CLEC16A: variants seen among roughly 807,000 people sequenced by gnomAD.
CLEC16A encodes protein CLEC16A.
In CLEC16A, 51 loss-of-function variants were observed where a neutral mutation model predicts 109.5. The observed-to-expected ratio is 0.47, with a 90% CI of 0.37 to 0.59. CLEC16A has a LOEUF of 0.59. Ranked by LOEUF, CLEC16A falls within the 20% of genes least tolerant of loss-of-function variation. CLEC16A has a pLI of 0.00. For missense variants in CLEC16A, 1,339 were observed against 1,394.0 expected (o/e 0.96, Z 0.63); for synonymous variants, 673 against 564.2 (o/e 1.19, Z -2.73).
rs1022095516 is a variant in CLEC16A at position 10,954,021 on chromosome 16, A to G, written c.81-3761A>G. On this transcript the variant is annotated intron_variant, in intron 1 of 23. Transcript: ENST00000409790. This position sits in a 1 kb window ranked among gnomAD's most constrained non-coding sequence, Gnocchi z 4.2. ...AAAGACTTGCACAGGCACCTCACAAAAGAAGATATTCAAACAGTCCATAAA... is the reference window on the plus strand; with the variant it reads ...AAAGACTTGCACAGGCACCTCACAAGAGAAGATATTCAAACAGTCCATAAA... Among the ~76,000 whole-genome samples the G allele has an allele frequency of 1.3e-5, 2 of 151,948 alleles. No individual in the cohort carries two copies. Among genetic ancestry groups the G allele is most frequent in the Admixed American group, 1.3e-4 (2 of 15,276 alleles).
chr16:11,066,072 G>C (rs2048739354), intron 19 of CLEC16A, among the ~76,000 whole-genome samples: 1 of 152,162 alleles, frequency 6.6e-6, no homozygotes. Context: ...ACTGTGCCTG[G>C]ATGGAAGTCC....
chr16:11,171,258 T>G (rs1440089602), intron 23 of CLEC16A, among the ~76,000 whole-genome samples: 1 of 152,130 alleles, frequency 6.6e-6, no homozygotes, highest in Non-Finnish European at 1.5e-5. Context: ...GACTCCCTGG[T>G]CACCCAGAGG....
rs188789882 is a variant in CLEC16A, at chr16:11,006,445, C to T, written c.1303+3140C>T. Reference sequence around the variant, plus strand: ...GCCATCCTATTTTGAGATAGACATGCGGCTCTTTTCTCTTCCACATTATTT... The same window carrying T: ...GCCATCCTATTTTGAGATAGACATGTGGCTCTTTTCTCTTCCACATTATTT... On this transcript the variant is annotated intron_variant, in intron 11 of 23. Transcript: ENST00000409790. Among the ~76,000 whole-genome samples, 376 of 152,270 alleles carry T rather than the reference C, an allele frequency of 2.5e-3. 1 individual carries two copies. Among genetic ancestry groups the T allele is most frequent in the African/African-American group, 8.7e-3 (363 of 41,564 alleles).
At chr16:11,029,045 G>C (rs2046588538) in intron 13 of CLEC16A, among the ~76,000 whole-genome samples, 1 of 152,120 alleles carries the variant, frequency 6.6e-6, no homozygotes, top group Non-Finnish European at 1.5e-5. Flanking sequence ...AGTTACTGTG[G>C]TTTTTCACAG....
rs539902221 is a variant in CLEC16A at position 11,152,762 on chromosome 16, C to T, written c.2642-13626C>T. ...CCTAATGACGTTCCCACAATCTCGC[C>T]AGTCAGGTGGTGACGGCATCTTTCC... On this transcript the variant is annotated intron_variant, in intron 22 of 23. Coordinates refer to ENST00000409790, the MANE Select transcript of CLEC16A (RefSeq NM_015226.3). 3.3e-5 allele frequency among the ~76,000 whole-genome samples: 5 copies of T among 152,330 alleles called. No homozygotes were observed. The East Asian group carries it at 7.7e-4, about 24-fold the overall frequency.
chr16:10,968,183 A>C (rs1385103384), intron 3 of CLEC16A, among the ~76,000 whole-genome samples: 2 of 152,234 alleles, frequency 1.3e-5, no homozygotes, highest in Non-Finnish European at 2.9e-5. Context: ...TGGTAAGAAC[A>C]CAGAGGGAAA....
chr16:10,962,887 G>A (rs541466706), intron 3 of CLEC16A, among the ~76,000 whole-genome samples: 11 of 152,142 alleles, frequency 7.2e-5, no homozygotes, highest in South Asian at 4.2e-4. Flanking sequence ...GTGAAACCCC[G>A]TCTCTACAAA....
chr16:10,955,009 G>C (rs780154307), intron 1 of CLEC16A, among the ~76,000 whole-genome samples: 1 of 152,212 alleles, frequency 6.6e-6, no homozygotes, highest in Non-Finnish European at 1.5e-5. Context: ...GCATGGTCAC[G>C]TTGCCTCTCT....
chr16:11,126,299 GC>G (rs2052814865), intron 22 of CLEC16A, 153 bp downstream of exon 22: 1 of 1,536,558 alleles, frequency 6.5e-7, no homozygotes, highest in Admixed American at 2.0e-5. Flanking sequence ...AAAGCACAGC[GC>G]AAGATTAAAC....
intron 10 of CLEC16A, among the ~76,000 whole-genome samples, chr16:10,995,216 T>A (rs1302297411): frequency 6.6e-6 from 1 of 152,194 alleles, no homozygotes; most frequent in Non-Finnish European, 1.5e-5. Context: ...AGCAGCACTG[T>A]TGGGGAGATG....
chr16:11,062,101 T>C (rs2048512494), intron 19 of CLEC16A, among the ~76,000 whole-genome samples: 1 of 151,936 alleles, frequency 6.6e-6, no homozygotes, highest in Non-Finnish European at 1.5e-5. Flanking sequence ...TGTGACTCAC[T>C]GATTGTCTAA....
intron 11 of CLEC16A, among the ~76,000 whole-genome samples, chr16:11,004,138 T>A (rs1284705182): frequency 2.0e-5 from 3 of 152,192 alleles, no homozygotes; most frequent in Non-Finnish European, 4.4e-5. Context: ...TTCCTCCTTT[T>A]GCCCTTTTTG....
chr16:11,158,997 G>A (rs979130726), intron 22 of CLEC16A, among the ~76,000 whole-genome samples: 3 of 151,570 alleles, frequency 2.0e-5, no homozygotes, highest in Admixed American at 2.0e-4. Flanking sequence ...GCCTGGCTTC[G>A]CTGGCTTGGG....
At chr16:10,995,417 G>A (rs1168112795) in intron 10 of CLEC16A, among the ~76,000 whole-genome samples, 2 of 152,204 alleles carry the variant, frequency 1.3e-5, no homozygotes, top group Admixed American at 6.5e-5. Flanking sequence ...TTAGCCAGGG[G>A]CCCAGGAGCA....
At chr16:11,019,311 T>C (rs2045953199) in intron 11 of CLEC16A, among the ~76,000 whole-genome samples, 2 of 152,196 alleles carry the variant, frequency 1.3e-5, no homozygotes, top group Non-Finnish European at 2.9e-5. Context: ...TAACTTTTTC[T>C]GAAAAATAAA....
At chr16:11,158,177 C>A (rs1250149127) in intron 22 of CLEC16A, among the ~76,000 whole-genome samples, 2 of 152,094 alleles carry the variant, frequency 1.3e-5, no homozygotes, top group Admixed American at 6.5e-5. Context: ...GTCACAGGGC[C>A]GATTGATTTT....
intron 22 of CLEC16A, among the ~76,000 whole-genome samples, chr16:11,153,678 G>C (rs1310751129): frequency 1.3e-5 from 2 of 151,364 alleles, no homozygotes; most frequent in African/African-American, 2.4e-5. Flanking sequence ...TCTGGGGGAG[G>C]GAAAAACATC....
intron 22 of CLEC16A, among the ~76,000 whole-genome samples, chr16:11,164,944 G>A (rs1195069709): frequency 6.6e-6 from 1 of 152,180 alleles, no homozygotes; most frequent in African/African-American, 2.4e-5. Context: ...GCTGGCTGTG[G>A]TGAATGCATT....
chr16:11,110,499 A>G (rs922511039), intron 19 of CLEC16A, among the ~76,000 whole-genome samples: 5 of 152,000 alleles, frequency 3.3e-5, no homozygotes, highest in African/African-American at 1.2e-4. Context: ...ACCGAAAACC[A>G]TGATTCATTT....
Sources: allele counts gnomAD v4.1 joint callset (sites outside exome capture counted in the v4.1 genomes callset), GRCh38; gene constraint gnomAD v4.1.1; non-coding constraint Gnocchi (gnomAD v3.1); transcripts MANE v1.5; gene names NCBI Gene and HGNC (gene_info 2026-07-23, HGNC 2026-07-21).